Variants in C10orf90 observed in about 807,000 individuals in gnomAD.
C10orf90 encodes the protein (E2-independent) E3 ubiquitin-conjugating enzyme FATS.
C10orf90 carries 56 observed loss-of-function variants against 62.5 expected under a neutral mutation model. The ratio of observed to expected loss-of-function variants is 0.90; its 90% CI spans 0.72 to 1.12. The LOEUF (loss-of-function observed/expected upper bound fraction) is 1.12. Among genes scored for constraint, C10orf90 ranks in the 50% most tolerant of loss-of-function variants. C10orf90 has a pLI of 0.00. For synonymous variants in C10orf90, 386 were observed against 340.4 expected (o/e 1.13, Z -1.47); for missense variants, 970 against 880.4 (o/e 1.10, Z -1.29).
intron 2 of C10orf90, among the ~76,000 whole-genome samples, chr10:126,619,160 T>C (rs1204237232): frequency 2.0e-5 from 3 of 152,206 alleles, no homozygotes; most frequent in Non-Finnish European, 4.4e-5. Context: ...CAGTGCTTTG[T>C]TCCTTTTCAC....
chr10:126,559,677 A>G (rs1591097402), intron 2 of C10orf90, among the ~76,000 whole-genome samples: 1 of 152,182 alleles, frequency 6.6e-6, no homozygotes. Flanking sequence ...AAGCTGGATT[A>G]TCTCTGCCAT....
intron 2 of C10orf90, among the ~76,000 whole-genome samples, chr10:126,525,223 C>T (rs924548531): frequency 6.6e-6 from 1 of 152,188 alleles, no homozygotes; most frequent in Admixed American, 6.5e-5. Context: ...ATGGGACGTC[C>T]TTGAAACTTC....
chr10:126,573,125 C>T (rs911298339), intron 2 of C10orf90, among the ~76,000 whole-genome samples: 4 of 152,146 alleles, frequency 2.6e-5, no homozygotes, highest in Non-Finnish European at 5.9e-5. Context: ...ACCGAGCTCC[C>T]CAAGTGAGCA....
chr10:126,576,758 A>ATCT (rs367880921), intron 2 of C10orf90, among the ~76,000 whole-genome samples: 1,712 of 72,308 alleles, frequency 0.024, 20 homozygotes, highest in African/African-American at 0.046. Flanking sequence ...ACATATAGAT[A>ATCT]ATATGTATAT....
At chr10:126,611,324 A>G (rs1333697103) in intron 2 of C10orf90, among the ~76,000 whole-genome samples, 3 of 152,230 alleles carry the variant, frequency 2.0e-5, no homozygotes, top group Non-Finnish European at 2.9e-5. Context: ...AATATGTGCC[A>G]GGACTTCATT....
chr10:126,462,600 C>A (rs918009613), intron 5 of C10orf90, among the ~76,000 whole-genome samples: 9 of 152,186 alleles, frequency 5.9e-5, no homozygotes, highest in African/African-American at 1.4e-4. Context: ...CCTATGACTC[C>A]GTCGAGGGCT....
intron 2 of C10orf90, among the ~76,000 whole-genome samples, chr10:126,561,409 C>T (rs946173718): frequency 1.3e-5 from 2 of 152,070 alleles, no homozygotes; most frequent in Admixed American, 6.6e-5. Context: ...AATTGCAAAG[C>T]GGCAAGCTGG....
At chr10:126,530,353 A>T (rs1864061114) in intron 2 of C10orf90, among the ~76,000 whole-genome samples, 1 of 152,150 alleles carries the variant, frequency 6.6e-6, no homozygotes, top group Admixed American at 6.5e-5. Flanking sequence ...TCAAGAAAAA[A>T]ATTTAAAACA....
chr10:126,614,046 G>T (rs1395984398), intron 2 of C10orf90, among the ~76,000 whole-genome samples: 1 of 152,164 alleles, frequency 6.6e-6, no homozygotes, highest in Non-Finnish European at 1.5e-5. Flanking sequence ...TGGGTTACAT[G>T]TCCTCATCAC....
At chr10:126,502,603 C>T (rs1862467552) in intron 4 of C10orf90, 1 of 250,468 alleles carries the variant, frequency 4.0e-6, no homozygotes, top group East Asian at 1.2e-4. Context: ...AATGAAGAGC[C>T]TTTGGTGAAA....
At chr10:126,584,388 C>T (rs543263574) in intron 2 of C10orf90, among the ~76,000 whole-genome samples, 63 of 151,668 alleles carry the variant, frequency 4.2e-4, no homozygotes, top group African/African-American at 1.4e-3. Context: ...CATCCATCTA[C>T]CTGTCCACCT....
chr10:126,586,150 A>C (rs1332409477), intron 2 of C10orf90, among the ~76,000 whole-genome samples: 1 of 152,248 alleles, frequency 6.6e-6, no homozygotes, highest in East Asian at 1.9e-4. Context: ...AGCCAGCCTT[A>C]ATTATTCAGG....
chr10:126,597,958 C>T (rs1845118768), intron 2 of C10orf90, among the ~76,000 whole-genome samples: 1 of 152,200 alleles, frequency 6.6e-6, no homozygotes, highest in Non-Finnish European at 1.5e-5. Context: ...ATGCTTTTCA[C>T]TCTACCAGCT....
At chr10:126,479,903 CGATGTGGGATAACAT>C (rs1564821563) in intron 4 of C10orf90, among the ~76,000 whole-genome samples, 1 of 152,174 alleles carries the variant, frequency 6.6e-6, no homozygotes, top group African/African-American at 2.4e-5. Context: ...AAATTGGTTT[CGATGTGGGATAACAT>C]GACATCTTGC....
At chr10:126,467,216 G>A (rs1324617245) in intron 4 of C10orf90, among the ~76,000 whole-genome samples, 3 of 152,152 alleles carry the variant, frequency 2.0e-5, no homozygotes, top group Admixed American at 2.0e-4. Flanking sequence ...GCTGTGACTT[G>A]GAAGAGTTAA....
At chr10:126,549,391 G>A (rs779131599) in intron 2 of C10orf90, among the ~76,000 whole-genome samples, 9 of 152,140 alleles carry the variant, frequency 5.9e-5, no homozygotes, top group Admixed American at 2.0e-4. Context: ...AACACAGATG[G>A]CAAATAAGCA....
intron 3 of C10orf90, among the ~76,000 whole-genome samples, chr10:126,511,828 T>C (rs575473049): frequency 6.6e-6 from 1 of 152,286 alleles, no homozygotes; most frequent in East Asian, 1.9e-4. Flanking sequence ...TGTTTCTGCA[T>C]GGGGTTGCTA....
chr10:126,428,094 C>T (rs978433758), intron 8 of C10orf90, among the ~76,000 whole-genome samples: 1 of 152,076 alleles, frequency 6.6e-6, no homozygotes, highest in South Asian at 2.1e-4. Flanking sequence ...TCTATCTATT[C>T]GTCACAGAAG....
intron 2 of C10orf90, among the ~76,000 whole-genome samples, chr10:126,595,584 TAGG>T (rs1433170452): frequency 6.6e-6 from 1 of 152,286 alleles, no homozygotes; most frequent in East Asian, 1.9e-4. Flanking sequence ...TGTGGTACTC[TAGG>T]AGGAGACCTG....
Sources: gnomAD v4.1 joint callset for allele counts (sites outside exome capture counted in the v4.1 genomes callset) on GRCh38, gnomAD v4.1.1 for gene constraint, MANE v1.5 for transcripts, NCBI Gene and HGNC (gene_info 2026-07-23, HGNC 2026-07-21) for gene names.